CMSS1: variants seen among roughly 807,000 people sequenced by gnomAD.
CMSS1 encodes protein CMSS1.
Under a neutral mutation model 43.5 loss-of-function variants are expected in CMSS1, and 33 were observed. The observed-to-expected ratio is 0.76, with a 90% CI of 0.57 to 1.01. The LOEUF is 1.01. Among genes scored for constraint, CMSS1 ranks in the 50% least tolerant of loss-of-function variants. The pLI is 0.00. For synonymous variants in CMSS1, 115 were observed against 117.2 expected (o/e 0.98, Z 0.12); for missense variants, 313 against 326.4 (o/e 0.96, Z 0.32).
chr3:99,994,990 G>C (rs1709634161), intron 1 of CMSS1, among the ~76,000 whole-genome samples: 1 of 152,012 alleles, frequency 6.6e-6, no homozygotes, highest in Non-Finnish European at 1.5e-5. Context: ...TTCCACCCCT[G>C]GCCCCTCCAA....
chr3:99,870,725 A>G (rs1364500577), intron 1 of CMSS1, among the ~76,000 whole-genome samples: 1 of 152,238 alleles, frequency 6.6e-6, no homozygotes, highest in Non-Finnish European at 1.5e-5. Flanking sequence ...CTTTGAAATT[A>G]AAGAAAAATC....
intron 1 of CMSS1, among the ~76,000 whole-genome samples, chr3:100,028,227 G>A (rs1350453861): frequency 6.6e-6 from 1 of 152,140 alleles, no homozygotes; most frequent in Non-Finnish European, 1.5e-5. Flanking sequence ...TTGCAGATGA[G>A]GAAACTCAGA....
intron 1 of CMSS1, among the ~76,000 whole-genome samples, chr3:100,059,527 AAGAC>A (rs2065523494): frequency 6.6e-6 from 1 of 152,180 alleles, no homozygotes; most frequent in South Asian, 2.1e-4. Context: ...TGAGGAGATG[AAGAC>A]AAAGTTTCTA....
chr3:99,903,791 T>C (rs1011986398), intron 1 of CMSS1, among the ~76,000 whole-genome samples: 3 of 152,204 alleles, frequency 2.0e-5, no homozygotes, highest in Middle Eastern at 6.3e-3. Flanking sequence ...CTTTTTTTAC[T>C]AAGATGCTTC....
intron 1 of CMSS1, among the ~76,000 whole-genome samples, chr3:100,044,075 C>A (rs2065244628): frequency 6.6e-6 from 1 of 152,178 alleles, no homozygotes. Flanking sequence ...ATTTCTATGA[C>A]AAACTCTGTC....
At chr3:99,906,141 C>T (rs993656172) in intron 1 of CMSS1, among the ~76,000 whole-genome samples, 15 of 152,130 alleles carry the variant, frequency 9.9e-5, no homozygotes, top group African/African-American at 3.4e-4. Context: ...TTGCAGTGAG[C>T]GGAGATCGCA....
intron 1 of CMSS1, among the ~76,000 whole-genome samples, chr3:99,960,060 G>A (rs1213667254): frequency 1.3e-5 from 2 of 152,056 alleles, no homozygotes; most frequent in African/African-American, 2.4e-5. Context: ...AGTGTGTATA[G>A]CATTATGCCT....
At chr3:99,907,910 A>G (rs1336619680) in intron 1 of CMSS1, among the ~76,000 whole-genome samples, 1 of 152,242 alleles carries the variant, frequency 6.6e-6, no homozygotes, top group Non-Finnish European at 1.5e-5. Flanking sequence ...TGTGTGATCC[A>G]GTGCCTGGCA....
At chr3:100,100,422 C>T (rs1336295060) in intron 1 of CMSS1, among the ~76,000 whole-genome samples, 2 of 152,170 alleles carry the variant, frequency 1.3e-5, no homozygotes, top group Non-Finnish European at 2.9e-5. Context: ...TAATTACTAT[C>T]ATCTGGATTT....
intron 1 of CMSS1, among the ~76,000 whole-genome samples, chr3:100,053,297 T>C (rs917635728): frequency 2.0e-5 from 3 of 152,162 alleles, no homozygotes; most frequent in South Asian, 2.1e-4. Context: ...GGCTAGAAGT[T>C]TGAAATCAAA....
intron 1 of CMSS1, among the ~76,000 whole-genome samples, chr3:100,058,345 G>A (rs886424170): frequency 1.3e-5 from 2 of 152,204 alleles, no homozygotes; most frequent in African/African-American, 4.8e-5. Flanking sequence ...ACAATCAGAT[G>A]CTTATAAACG....
intron 1 of CMSS1, among the ~76,000 whole-genome samples, chr3:100,053,273 C>T (rs1302897030): frequency 1.3e-5 from 2 of 152,180 alleles, no homozygotes; most frequent in Non-Finnish European, 2.9e-5. Flanking sequence ...AATATATACT[C>T]TCACAGTTCT....
intron 1 of CMSS1, among the ~76,000 whole-genome samples, chr3:100,120,985 G>A (rs541318947): frequency 5.3e-5 from 8 of 152,252 alleles, no homozygotes; most frequent in South Asian, 2.1e-4. Flanking sequence ...CATGAAAATT[G>A]TGTGGCTCAG....
intron 1 of CMSS1, among the ~76,000 whole-genome samples, chr3:99,825,881 G>A (rs763992501): frequency 2.7e-5 from 4 of 149,988 alleles, no homozygotes; most frequent in Non-Finnish European, 5.9e-5. Context: ...GAGTTGAAGC[G>A]ATTCTCCTGC....
chr3:99,956,333 G>T (rs116671348), intron 1 of CMSS1, among the ~76,000 whole-genome samples: 1 of 152,016 alleles, frequency 6.6e-6, no homozygotes, highest in African/African-American at 2.4e-5. Context: ...CTTGGTTTCC[G>T]ATTCTGTCCC....
At chr3:99,834,818 C>CACTA (rs1338424938) in intron 1 of CMSS1, among the ~76,000 whole-genome samples, 1 of 152,158 alleles carries the variant, frequency 6.6e-6, no homozygotes, top group Non-Finnish European at 1.5e-5. Flanking sequence ...CTAGTTTTGG[C>CACTA]ACTAACTAGC....
At chr3:100,048,710 G>A (rs1241999963) in intron 1 of CMSS1, among the ~76,000 whole-genome samples, 2 of 152,124 alleles carry the variant, frequency 1.3e-5, no homozygotes, top group African/African-American at 4.8e-5. Flanking sequence ...ATCAAGTCCA[G>A]GTGGGTTTTA....
chr3:100,002,213 C>T (rs1261852630), intron 1 of CMSS1, among the ~76,000 whole-genome samples: 1 of 152,190 alleles, frequency 6.6e-6, no homozygotes, highest in Non-Finnish European at 1.5e-5. Flanking sequence ...GGGTAAATCA[C>T]GCACAGACTG....
intron 1 of CMSS1, among the ~76,000 whole-genome samples, chr3:99,931,945 C>G (rs1264931126): frequency 6.6e-6 from 1 of 152,058 alleles, no homozygotes; most frequent in Non-Finnish European, 1.5e-5. Context: ...TACTCTTTGT[C>G]CCTACAAATC....
Sources: gnomAD v4.1 joint callset for allele counts (sites outside exome capture counted in the v4.1 genomes callset) on GRCh38, gnomAD v4.1.1 for gene constraint, MANE v1.5 for transcripts, NCBI Gene and HGNC (gene_info 2026-07-23, HGNC 2026-07-21) for gene names.